The following PHB1 variants were observed in gnomAD, a reference collection of about 807,000 sequenced individuals.
PHB1 encodes the protein epididymis luminal protein 215.
chr17:49,413,791 G>A, the PHB1 span, among the ~76,000 whole-genome samples: 18 of 152,112 alleles, frequency 1.2e-4, no homozygotes, highest in South Asian at 3.1e-3. Flanking sequence ...TTACAGGCAT[G>A]AGCCATCATG....
At chr17:49,406,825 T>C in the PHB1 span, 1 of 1,613,878 alleles carries the variant, frequency 6.2e-7, no homozygotes, top group Non-Finnish European at 8.5e-7. Context: ...CCACCGCTTC[T>C]GTGAACTCCT....
the PHB1 span, chr17:49,404,567 A>G: frequency 3.9e-6 from 1 of 258,008 alleles, no homozygotes; most frequent in Non-Finnish European, 7.6e-6. Flanking sequence ...TTCTCAGTTC[A>G]GCCGCACATG....
At chr17:49,413,194 T>C in the PHB1 span, 1 of 1,612,620 alleles carries the variant, frequency 6.2e-7, no homozygotes, top group Non-Finnish European at 8.5e-7. Flanking sequence ...TAAGGCAGAG[T>C]TCACCACGCC....
At chr17:49,406,690 A>T in the PHB1 span, 1 of 1,107,736 alleles carries the variant, frequency 9.0e-7, no homozygotes, top group South Asian at 1.2e-5. Context: ...CAGGCCACCC[A>T]GCAAATGGGG....
chr17:49,413,511 CCTT>C, the PHB1 span, among the ~76,000 whole-genome samples: 1 of 106,142 alleles, frequency 9.4e-6, no homozygotes, highest in African/African-American at 4.2e-5. Context: ...TCTTTTCTTT[CCTT>C]TTTTTTTTTT....
the PHB1 span, chr17:49,412,024 G>A: frequency 1.8e-6 from 1 of 565,166 alleles, no homozygotes; most frequent in Non-Finnish European, 3.1e-6. Flanking sequence ...GTCACTTCCT[G>A]TTCCACATGT....
the PHB1 span, among the ~76,000 whole-genome samples, chr17:49,410,171 T>C: frequency 1.3e-5 from 2 of 152,160 alleles, no homozygotes; most frequent in African/African-American, 2.4e-5. Context: ...GTGTGAGCCA[T>C]TACGCCTGGC....
At chr17:49,410,236 C>T in the PHB1 span, among the ~76,000 whole-genome samples, 3 of 152,178 alleles carry the variant, frequency 2.0e-5, no homozygotes, top group African/African-American at 7.2e-5. Context: ...CCAGGCTAGA[C>T]TCAAGCTCCT....
chr17:49,413,089 G>T, the PHB1 span: 2 of 934,350 alleles, frequency 2.1e-6, no homozygotes, highest in Non-Finnish European at 3.4e-6. Context: ...ACTGACGGCA[G>T]CTACCATCAA....
At chr17:49,406,736 C>T in the PHB1 span, 23 of 1,560,258 alleles carry the variant, frequency 1.5e-5, no homozygotes, top group Non-Finnish European at 2.0e-5. Context: ...AGAGAGGCTC[C>T]TGCCATCTGG....
the PHB1 span, chr17:49,413,165 T>G: frequency 6.3e-7 from 1 of 1,599,214 alleles, no homozygotes; most frequent in South Asian, 1.1e-5. Context: ...CCACTGTCCC[T>G]CCATGCCTCA....
the PHB1 span, among the ~76,000 whole-genome samples, chr17:49,409,826 G>C: frequency 6.5e-3 from 958 of 147,966 alleles, 10 homozygotes; most frequent in African/African-American, 0.022. Flanking sequence ...GTGAGCCACC[G>C]CACCTGGCCA....
chr17:49,414,267 T>C, the PHB1 span: 2 of 152,060 alleles, frequency 1.3e-5, no homozygotes, highest in Non-Finnish European at 2.9e-5. Flanking sequence ...CTTGTCAACA[T>C]CGTGTATTAA....
At chr17:49,405,325 C>G in the PHB1 span, 2 of 781,340 alleles carry the variant, frequency 2.6e-6, no homozygotes, top group South Asian at 3.4e-5. Context: ...GGGGAGTTTA[C>G]TTCCTCCTGA....
the PHB1 span, chr17:49,409,302 C>T: frequency 6.2e-7 from 1 of 1,613,930 alleles, no homozygotes; most frequent in Non-Finnish European, 8.5e-7. Flanking sequence ...GTGCTCTGGG[C>T]TCGAGGCTAA....
At chr17:49,404,816 G>A in the PHB1 span, 1 of 605,906 alleles carries the variant, frequency 1.7e-6, no homozygotes, top group South Asian at 2.0e-5. Flanking sequence ...GAATGAAAGA[G>A]TTTCATTTGA....
chr17:49,407,955 T>TC, the PHB1 span, among the ~76,000 whole-genome samples: 7 of 152,208 alleles, frequency 4.6e-5, no homozygotes, highest in African/African-American at 1.7e-4. Flanking sequence ...GGCAGCAAAT[T>TC]CCCCATGAAA....
the PHB1 span, chr17:49,408,903 C>T: frequency 1.5e-6 from 1 of 660,932 alleles, no homozygotes; most frequent in Admixed American, 2.6e-5. Context: ...TGCCTCACCT[C>T]AGCATGTTTC....
chr17:49,413,123 C>A, the PHB1 span: 1 of 1,331,470 alleles, frequency 7.5e-7, no homozygotes, highest in Non-Finnish European at 1.1e-6. Context: ...GCTATGCAGA[C>A]CAACAGAAAA....
Sources: gnomAD v4.1 joint callset for allele counts (sites outside exome capture counted in the v4.1 genomes callset) on GRCh38, gnomAD v4.1.1 for gene constraint, MANE v1.5 for transcripts, NCBI Gene and HGNC (gene_info 2026-07-23, HGNC 2026-07-21) for gene names.